RAB3C: variants seen among roughly 807,000 people sequenced by gnomAD.
The protein encoded by RAB3C is ras-related protein Rab-3C.
A neutral mutation model predicts 26.4 loss-of-function variants in RAB3C; 17 were observed. The ratio of observed to expected loss-of-function variants is 0.64; its 90% CI spans 0.44 to 0.97. RAB3C has a LOEUF of 0.97. RAB3C is among the 50% of genes least tolerant of loss of function. RAB3C has a pLI of 0.00. For missense variants in RAB3C, 242 were observed against 281.9 expected (o/e 0.86, Z 1.01); for synonymous variants, 91 against 95.9 (o/e 0.95, Z 0.30).
At position 58,680,954 on chromosome 5, in the gene RAB3C, C is replaced by G. The variant is rs1748331420; in HGVS notation, c.253-45048C>G. On this transcript the variant is annotated intron_variant, in intron 2 of 4. Coordinates refer to ENST00000282878, the MANE Select transcript of RAB3C (RefSeq NM_138453.4). ...ACCACATCCCCCTTGCTTCACTCAGCTGTTTAAACAGCAAGTACATAAATC... is the reference window on the plus strand; with the variant it reads ...ACCACATCCCCCTTGCTTCACTCAGGTGTTTAAACAGCAAGTACATAAATC... 1.3e-5 allele frequency among the ~76,000 whole-genome samples: 2 copies of G among 152,170 alleles called. 1 individual carries two copies. The highest frequency in any genetic ancestry group is 4.1e-4 in the South Asian group (2 of 4,828).
chr5:58,824,256 C>G (rs1157854302), intron 3 of RAB3C, among the ~76,000 whole-genome samples: 1 of 150,888 alleles, frequency 6.6e-6, no homozygotes, highest in Admixed American at 6.6e-5. Context: ...AAACAATAAA[C>G]TTATTGGCTA....
chr5:58,764,817 G>A (rs947287192), intron 3 of RAB3C, among the ~76,000 whole-genome samples: 4 of 152,072 alleles, frequency 2.6e-5, no homozygotes, highest in Admixed American at 6.6e-5. Context: ...ATACTTTCAC[G>A]AAGAACTGAA....
At chr5:58,632,693 T>C (rs1747210036) in intron 2 of RAB3C, among the ~76,000 whole-genome samples, 1 of 152,234 alleles carries the variant, frequency 6.6e-6, no homozygotes, top group African/African-American at 2.4e-5. Flanking sequence ...TATATGTGCC[T>C]GGAGAATAGC....
chr5:58,631,066 C>A (rs1010165732), intron 2 of RAB3C, among the ~76,000 whole-genome samples: 2 of 152,168 alleles, frequency 1.3e-5, no homozygotes, highest in Non-Finnish European at 2.9e-5. Flanking sequence ...TCAGCAGTAT[C>A]TGAGTGAGAG....
At chr5:58,595,758 C>T (rs1389226590) in intron 1 of RAB3C, among the ~76,000 whole-genome samples, 2 of 152,080 alleles carry the variant, frequency 1.3e-5, no homozygotes, top group East Asian at 1.9e-4. Flanking sequence ...ATGTATCCAA[C>T]TGGAGAGAAC....
intron 1 of RAB3C, among the ~76,000 whole-genome samples, chr5:58,605,453 C>T (rs1450570193): frequency 2.0e-5 from 3 of 152,096 alleles, no homozygotes; most frequent in African/African-American, 7.2e-5. Flanking sequence ...GCTGAACAAA[C>T]TAAAAATCAA....
intron 3 of RAB3C, among the ~76,000 whole-genome samples, chr5:58,803,670 A>G (rs1300429821): frequency 1.3e-5 from 2 of 152,182 alleles, no homozygotes; most frequent in African/African-American, 4.8e-5. Flanking sequence ...AAAAGGACCA[A>G]TCCTTGACAG....
At chr5:58,623,367 C>A (rs532115843) in intron 2 of RAB3C, among the ~76,000 whole-genome samples, 11 of 152,316 alleles carry the variant, frequency 7.2e-5, no homozygotes, top group African/African-American at 2.2e-4. Context: ...CAATCAGGTC[C>A]TCTGGTCTAT....
At chr5:58,582,653 GA>G (rs989265751), upstream of RAB3C, among the ~76,000 whole-genome samples, 48 of 152,306 alleles carry the variant, frequency 3.2e-4, no homozygotes, top group Admixed American at 3.1e-3. Flanking sequence ...TCCCGATTCG[GA>G]TGGGGAGGGG....
At chr5:58,656,576 G>A (rs933421382) in intron 2 of RAB3C, among the ~76,000 whole-genome samples, 3 of 152,182 alleles carry the variant, frequency 2.0e-5, no homozygotes, top group Non-Finnish European at 4.4e-5. Context: ...AGTTATAGCA[G>A]TTTTTAATAT....
rs113189749 is a variant in RAB3C at position 58,679,474 on chromosome 5, G to A, written c.253-46528G>A. Among the ~76,000 whole-genome samples the A allele has an allele frequency of 3.9e-3, 597 of 152,258 alleles. 1 individual carries two copies. Among genetic ancestry groups the A allele is most frequent in the African/African-American group, 0.012 (500 of 41,538 alleles). The stretch of plus-strand genomic sequence containing the variant: ...CAATTTTTTTGAGGTAGACAATTCT[G>A]TTATAGTACAAGCCTGTGTCTTTAT... On this transcript the variant is annotated intron_variant, in intron 2 of 4. Coordinates refer to ENST00000282878, the MANE Select transcript of RAB3C (RefSeq NM_138453.4).
chr5:58,763,967 A>G (rs1457923352), intron 3 of RAB3C, among the ~76,000 whole-genome samples: 2 of 152,220 alleles, frequency 1.3e-5, no homozygotes, highest in Non-Finnish European at 2.9e-5. Flanking sequence ...AAGCCTTTCA[A>G]CTTGTCCTAA....
At chr5:58,583,358 G>T (rs2111642104) in intron 1 of RAB3C, 126 bp downstream of exon 1, 1 of 1,549,958 alleles carries the variant, frequency 6.5e-7, no homozygotes. Flanking sequence ...GCGGCTCTGT[G>T]ACATGACCCT....
intron 3 of RAB3C, chr5:58,816,996 C>T (rs1274185479): frequency 6.6e-6 from 1 of 152,184 alleles, no homozygotes; most frequent in African/African-American, 2.4e-5. Flanking sequence ...GGGATGGGCT[C>T]TTCCCAAGAT....
Position 58,610,882 on chromosome 5 carries a change from T to C in RAB3C, c.25-6761T>C, listed in dbSNP as rs139027151. On this transcript the variant is annotated intron_variant, in intron 1 of 4. Transcript: ENST00000282878. ...TTAAGCCCAGTACCCCTTAGTTATT[T>C]TTCCTAATCCTCTCCCTCCTCCCCA... Among the ~76,000 whole-genome samples the C allele has an allele frequency of 3.5e-3, 532 of 152,194 alleles. 8 individuals are homozygous for C. The highest frequency in any genetic ancestry group is 0.027 in the East Asian group (138 of 5,166).
intron 3 of RAB3C, among the ~76,000 whole-genome samples, chr5:58,790,446 A>C (rs773043523): frequency 3.3e-5 from 5 of 152,214 alleles, no homozygotes; most frequent in Non-Finnish European, 7.3e-5. Flanking sequence ...AATGCTCTAC[A>C]TCAGGAAGTT....
intron 3 of RAB3C, among the ~76,000 whole-genome samples, chr5:58,737,944 A>T (rs953424745): frequency 3.9e-5 from 6 of 152,216 alleles, no homozygotes; most frequent in Admixed American, 1.3e-4. Context: ...AATGTGACTT[A>T]AAGTTATCTG....
chr5:58,808,224 CAAAA>C (rs773339041), intron 3 of RAB3C, among the ~76,000 whole-genome samples: 1 of 63,624 alleles, frequency 1.6e-5, no homozygotes. Context: ...GACTCCGTCT[CAAAA>C]AAAAAAAAAA....
At chr5:58,756,499 T>A (rs1741667149) in intron 3 of RAB3C, among the ~76,000 whole-genome samples, 1 of 150,318 alleles carries the variant, frequency 6.7e-6, no homozygotes, top group Non-Finnish European at 1.5e-5. Flanking sequence ...TTGCTCCACC[T>A]ATTAACCCAT....
Sources: allele counts gnomAD v4.1 joint callset (sites outside exome capture counted in the v4.1 genomes callset), GRCh38; gene constraint gnomAD v4.1.1; transcripts MANE v1.5; gene names NCBI Gene and HGNC (gene_info 2026-07-23, HGNC 2026-07-21).